Variants in KMT5B observed in about 807,000 individuals in gnomAD.
KMT5B encodes histone-lysine N-methyltransferase KMT5B.
A neutral mutation model predicts 83.2 loss-of-function variants in KMT5B; 10 were observed. That is an observed-to-expected ratio of 0.12 (90% CI 0.07 to 0.20). The LOEUF (loss-of-function observed/expected upper bound fraction) is 0.20. KMT5B is among the 10% of genes least tolerant of loss of function. The pLI, the probability that KMT5B is intolerant of heterozygous loss-of-function variation, is 1.00. For missense variants in KMT5B, 753 were observed against 1,067.2 expected (o/e 0.71, Z 4.10); for synonymous variants, 349 against 388.8 (o/e 0.90, Z 1.20).
chr11:68,181,325 G>A (rs4930562), intron 3 of KMT5B, among the ~76,000 whole-genome samples: 15,211 of 152,012 alleles, frequency 0.1, 841 homozygotes, highest in East Asian at 0.23. Flanking sequence ...CACCCGCCTC[G>A]GCCTCCCAAA....
intron 1 of KMT5B, among the ~76,000 whole-genome samples, chr11:68,191,931 G>A (rs539520277): frequency 6.6e-6 from 1 of 152,276 alleles, no homozygotes; most frequent in Admixed American, 6.5e-5. Flanking sequence ...CTTCACAGGT[G>A]TACCATTTTA....
chr11:68,174,262 TTTA>T (rs1856132666), intron 5 of KMT5B: 6 of 359,584 alleles, frequency 1.7e-5, no homozygotes, highest in Non-Finnish European at 3.3e-5. Context: ...GGTAACAAAC[TTTA>T]TTGTTACTCA....
In KMT5B at chr11:68,171,260, T is replaced by C. The variant is rs1855810615; in HGVS notation, c.821-9A>G. On this transcript the variant is annotated splice_polypyrimidine_tract_variant and intron_variant, in intron 7 of 10. Coordinates refer to ENST00000304363, the MANE Select transcript of KMT5B (RefSeq NM_017635.5). The surrounding 1 kb of genome is among the most constrained non-coding windows in gnomAD (Gnocchi z 5.1). The stretch of plus-strand genomic sequence containing the variant: ...ACAATTAGGTCTGCAATCTGAAAAA[T>C]GTCCAAAAGATAAAGTCAATTAACT... 6.2e-7 allele frequency: 1 copy of C among 1,608,664 alleles called. No homozygotes were observed. Among genetic ancestry groups the C allele is most frequent in the South Asian group, 1.1e-5 (1 of 89,364 alleles).
At chr11:68,173,350 AT>A (rs1856032154) in intron 6 of KMT5B, among the ~76,000 whole-genome samples, 2 of 152,140 alleles carry the variant, frequency 1.3e-5, no homozygotes, top group South Asian at 4.1e-4. Flanking sequence ...CAACTCTACT[AT>A]TTTTATTGAA....
At chr11:68,189,893 T>C (rs537379869) in intron 2 of KMT5B, 24 bp downstream of exon 2, 75 of 1,598,212 alleles carry the variant, frequency 4.7e-5, no homozygotes, top group Non-Finnish European at 6.1e-5. Flanking sequence ...AATCAGAACA[T>C]TGAAGGTTTA....
In KMT5B at chr11:68,158,668, T is replaced by C. The variant is rs1415716212; in HGVS notation, c.1678A>G (p.Thr560Ala). ...ACACTGCTTTTATAGCCATTCAACGTATTTGGTTCAAGCTTGATGTCAGAG... is the reference window on the plus strand; with the variant it reads ...ACACTGCTTTTATAGCCATTCAACGCATTTGGTTCAAGCTTGATGTCAGAG... ...EASDIKLEPNTLNGYKSSVTE... is the reference protein window; with the variant it reads ...EASDIKLEPNALNGYKSSVTE... Residue 560 changes from threonine to alanine, a missense_variant, in exon 11 of 11, where the codon ACG becomes GCG. Thr to Ala is a moderately conservative substitution (Grantham distance 58, BLOSUM62 0). Transcript: ENST00000304363. 1 of 1,614,130 alleles carries C rather than the reference T, an allele frequency of 6.2e-7. No homozygotes were observed. The highest frequency in any genetic ancestry group is 1.1e-5 in the South Asian group (1 of 91,078).
In KMT5B at chr11:68,155,470, A is replaced by C. The variant is rs1337453293; in HGVS notation, c.*2218T>G. On this transcript the variant is annotated 3_prime_UTR_variant, in exon 11 of 11. Coordinates refer to ENST00000304363, the MANE Select transcript of KMT5B (RefSeq NM_017635.5). ...AAAATAAGTTACTAAAATTCAGCTG[A>C]AAAATGAAAATGGGAAATGTGTTTT... is the stretch of plus-strand genomic sequence containing the variant. The C allele has an allele frequency of 2.6e-5, 4 of 152,248 alleles. No homozygotes were observed. In the South Asian group the frequency reaches 6.2e-4, roughly 24 times the overall value. 9.4% of individuals were successfully genotyped at this position (152,248 alleles called of 1,614,324 possible). A position where few individuals can be genotyped will look rare whatever the true frequency, so the allele number is the denominator to read the frequency against.
Position 68,185,926 on chromosome 11 carries a change from T to C in KMT5B, c.163A>G (p.Asn55Asp). Residue 55 changes from asparagine (N) to aspartate (D), a missense_variant and splice_region_variant, in exon 3 of 11, where the codon AAT becomes GAT. Transcript: ENST00000304363. ...NAVERRSNRCNGNSGFEGQSR... is the reference protein window; with the variant it reads ...NAVERRSNRCDGNSGFEGQSR... ...TGTCCTTCAAATCCCGAGTTACCAT[T>C]ACCTGTGAAAAGCAAAAGCAAGAAA... 3 of 1,580,330 alleles carry C rather than the reference T, an allele frequency of 1.9e-6. No individual in the cohort carries two copies. The highest frequency in any genetic ancestry group is 2.6e-6 in the Non-Finnish European group (3 of 1,162,346).
chr11:68,192,488 A>G (rs1480120670), intron 1 of KMT5B, among the ~76,000 whole-genome samples: 2 of 152,176 alleles, frequency 1.3e-5, no homozygotes, highest in Admixed American at 6.6e-5. Context: ...TTCTCTCAGT[A>G]AACAGTAAGA....
intron 9 of KMT5B, 32 bp downstream of exon 9, chr11:68,170,983 G>C (rs769403910): frequency 7.7e-6 from 12 of 1,559,528 alleles, no homozygotes; most frequent in Admixed American, 4.6e-5. Flanking sequence ...AACAAAAAAT[G>C]TTTAGGCTGA....
intron 1 of KMT5B, among the ~76,000 whole-genome samples, chr11:68,203,164 C>G (rs1009991934): frequency 1.3e-5 from 2 of 151,854 alleles, no homozygotes; most frequent in African/African-American, 4.8e-5. Flanking sequence ...TTAGGAGAGA[C>G]GAGGTTTCAC....
intron 10 of KMT5B, chr11:68,165,727 G>A: frequency 1.4e-6 from 2 of 1,409,610 alleles, no homozygotes; most frequent in South Asian, 3.4e-5. Flanking sequence ...TGGTCGTTAT[G>A]CTGCATTTAT....
upstream of KMT5B, chr11:68,213,412 G>A (rs1341137431): frequency 1.3e-4 from 17 of 135,514 alleles, no homozygotes; most frequent in African/African-American, 4.6e-4. Flanking sequence ...CGCCCCCCGC[G>A]CCCCCGGCCT....
chr11:68,209,199 G>A (rs1327599536), intron 1 of KMT5B, among the ~76,000 whole-genome samples: 1 of 152,134 alleles, frequency 6.6e-6, no homozygotes, highest in Non-Finnish European at 1.5e-5. Flanking sequence ...TTTCAACCGT[G>A]TTATACAAAT....
intron 1 of KMT5B, among the ~76,000 whole-genome samples, chr11:68,206,048 C>T (rs922580006): frequency 1.1e-4 from 16 of 152,258 alleles, no homozygotes; most frequent in Non-Finnish European, 1.9e-4. Context: ...TACGTATTTA[C>T]GACGAGGGAT....
chr11:68,163,999 G>A (rs916690932), intron 10 of KMT5B, among the ~76,000 whole-genome samples: 5 of 152,078 alleles, frequency 3.3e-5, no homozygotes, highest in African/African-American at 9.7e-5. Context: ...GACCGCTCGC[G>A]AGCCTCTCTC....
chr11:68,170,672 C>T (rs752829251), intron 9 of KMT5B, among the ~76,000 whole-genome samples: 16 of 152,202 alleles, frequency 1.1e-4, no homozygotes, highest in Non-Finnish European at 2.1e-4. Flanking sequence ...GTGAACTCCA[C>T]TTGACATTTT....
intron 6 of KMT5B, among the ~76,000 whole-genome samples, chr11:68,172,690 G>A (rs1485883105): frequency 6.6e-6 from 1 of 152,120 alleles, no homozygotes; most frequent in Non-Finnish European, 1.5e-5. Context: ...AAGGGCTGGT[G>A]GCTACTGTAC....
At chr11:68,193,343 G>A (rs368513782) in intron 1 of KMT5B, among the ~76,000 whole-genome samples, 3 of 152,068 alleles carry the variant, frequency 2.0e-5, no homozygotes, top group African/African-American at 4.8e-5. Context: ...AAATTACTTC[G>A]AAGTATTCAC....
Sources: allele counts gnomAD v4.1 joint callset (sites outside exome capture counted in the v4.1 genomes callset), GRCh38; gene constraint gnomAD v4.1.1; non-coding constraint Gnocchi (gnomAD v3.1); transcripts MANE v1.5; gene names NCBI Gene and HGNC (gene_info 2026-07-23, HGNC 2026-07-21).